SULT1C3: variants seen among roughly 807,000 people sequenced by gnomAD.
SULT1C3 encodes the protein sulfotransferase 1C3.
In SULT1C3, 31 loss-of-function variants were observed where a neutral mutation model predicts 28.4. The ratio of observed to expected loss-of-function variants is 1.09; its 90% confidence interval spans 0.82 to 1.47. SULT1C3 has a LOEUF of 1.47. Ranked by LOEUF, SULT1C3 falls within the 40% of genes most tolerant of loss-of-function variation. The probability of loss-of-function intolerance (pLI) is 0.00; values close to 1 mark genes in which losing one functional copy is unlikely to be tolerated. For missense variants in SULT1C3, 307 were observed against 272.5 expected (o/e 1.13, Z -0.89); for synonymous variants, 106 against 92.2 (o/e 1.15, Z -0.86).
At position 108,247,264 on chromosome 2, in the gene SULT1C3, G is replaced by C. The variant is rs1345064840; in HGVS notation, c.70G>C (p.Asp24His). 10 of 1,596,274 alleles carry C rather than the reference G, an allele frequency of 6.3e-6. No individual in the cohort carries two copies. In the East Asian group the frequency reaches 6.8e-5, roughly 11 times the overall value. ...KPELFNIMEVDGVPTLILSKE... is the reference protein window; with the variant it reads ...KPELFNIMEVHGVPTLILSKE... ...AGAACTGTTTAACATCATGGAAGTA[G>C]ATGGAGTCCCTACGTTGATATTATC... is the stretch of plus-strand genomic sequence containing the variant. Residue 24 changes from aspartate to histidine, a missense_variant, in exon 2 of 8, where the codon GAT (aspartate) becomes CAT (histidine). Physicochemically the swap from Asp to His is moderately conservative, Grantham distance 81. Coordinates refer to ENST00000681802, the MANE Select transcript of SULT1C3 (RefSeq NM_001320878.2).
chr2:108,248,615 C>T (rs754664269), intron 2 of SULT1C3, among the ~76,000 whole-genome samples: 5 of 152,012 alleles, frequency 3.3e-5, no homozygotes, highest in Non-Finnish European at 4.4e-5. Context: ...TGGTAGACTG[C>T]ACTTCCATAG....
In SULT1C3 at chr2:108,255,628, C is replaced by T; in HGVS notation, c.456C>T (p.His152=). The T allele has an allele frequency of 6.2e-7, 1 of 1,611,950 alleles. No individual in the cohort carries two copies. The highest frequency in any genetic ancestry group is 8.5e-7 in the Non-Finnish European group (1 of 1,178,552). The change falls in exon 5 of 8, where the codon CAC becomes CAT. Residue 152 remains histidine (H), a synonymous_variant. Transcript: ENST00000681802. ...GCCTGGTGTCCTACTACCACTTTCA[C>T]AGGATGGCTTCCTTTATGCCTGATC... is the stretch of plus-strand genomic sequence containing the variant. ...KDCLVSYYHF[H]RMASFMPDPQ...
In SULT1C3 at chr2:108,255,616, C is replaced by T; in HGVS notation, c.444C>T (p.Tyr148=). ...ARNPKDCLVS[Y]YHFHRMASFM... is the part of the protein sequence containing the mutation. ...ATCCCAAGGATTGCCTGGTGTCCTA[C>T]TACCACTTTCACAGGATGGCTTCCT... The change falls in exon 5 of 8, where the codon TAC becomes TAT. Residue 148 remains tyrosine (Y), a synonymous_variant. Coordinates refer to ENST00000681802, the MANE Select transcript of SULT1C3 (RefSeq NM_001320878.2). The T allele has an allele frequency of 6.2e-7, 1 of 1,612,018 alleles. No individual in the cohort carries two copies. The highest frequency in any genetic ancestry group is 8.5e-7 in the Non-Finnish European group (1 of 1,178,576).
intron 1 of SULT1C3, among the ~76,000 whole-genome samples, chr2:108,245,391 T>C (rs940347696): frequency 2.0e-5 from 3 of 152,200 alleles, no homozygotes; most frequent in Non-Finnish European, 2.9e-5. Context: ...TTGAACTCTA[T>C]ATCCTGCTAT....
At chr2:108,256,886 C>G (rs1274215088) in intron 5 of SULT1C3, among the ~76,000 whole-genome samples, 1 of 151,992 alleles carries the variant, frequency 6.6e-6, no homozygotes, top group East Asian at 1.9e-4. Context: ...AATAGCAAAT[C>G]TAGATAGGAC....
At chr2:108,265,155 C>T, downstream of SULT1C3, 1 of 1,454,648 alleles carries the variant, frequency 6.9e-7, no homozygotes, top group Non-Finnish European at 9.4e-7. Flanking sequence ...CCTGTTTCTC[C>T]TCATTCTTGG....
downstream of SULT1C3, chr2:108,265,274 G>C: frequency 6.2e-7 from 1 of 1,613,808 alleles, no homozygotes; most frequent in South Asian, 1.1e-5. Context: ...TTTTACTGTG[G>C]CCCAAAATGA....
chr2:108,247,415 T>C (rs1675615814), intron 2 of SULT1C3, 49 bp downstream of exon 2: 1 of 1,430,296 alleles, frequency 7.0e-7, no homozygotes, highest in African/African-American at 1.4e-5. Flanking sequence ...CGTGAAATTA[T>C]TGCATAATCT....
chr2:108,242,331 G>A (rs1052468427), intron 1 of SULT1C3, among the ~76,000 whole-genome samples: 11 of 152,158 alleles, frequency 7.2e-5, no homozygotes, highest in Non-Finnish European at 1.3e-4. Flanking sequence ...AGAAGATTCA[G>A]CACTTGTTAA....
chr2:108,246,514 C>A (rs151252874), intron 1 of SULT1C3, among the ~76,000 whole-genome samples: 1 of 152,068 alleles, frequency 6.6e-6, no homozygotes, highest in Non-Finnish European at 1.5e-5. Context: ...GGGACACAGG[C>A]GAACCATATC....
chr2:108,244,170 T>G (rs1675529097), intron 1 of SULT1C3, among the ~76,000 whole-genome samples: 1 of 152,182 alleles, frequency 6.6e-6, no homozygotes, highest in African/African-American at 2.4e-5. Context: ...TCACAGAGAA[T>G]ATAAACAATG....
Position 108,259,125 on chromosome 2 carries a change from A to G in SULT1C3, c.781A>G (p.Ile261Val), listed in dbSNP as rs891646985. ...AVPAHIFNHS[I>V]SKFMRKGMPG... ...ACCTGCTCACATATTCAATCACTCCATCTCAAAATTTATGAGGAAAGGTTG... is the reference window on the plus strand; with the variant it reads ...ACCTGCTCACATATTCAATCACTCCGTCTCAAAATTTATGAGGAAAGGTTG... Residue 261 changes from isoleucine to valine, a missense_variant, in exon 7 of 8, where the codon ATC becomes GTC. Ile to Val is a conservative substitution (Grantham distance 29, BLOSUM62 3). Coordinates refer to ENST00000681802, the MANE Select transcript of SULT1C3 (RefSeq NM_001320878.2). 2.3e-6 allele frequency: 1 copy of G among 434,838 alleles called. No individual in the cohort carries two copies. The highest frequency in any genetic ancestry group is 2.0e-5 in the African/African-American group (1 of 50,360). The allele number at this position is 434,838 out of a possible 1,614,324, so 26.9% of individuals were successfully genotyped here. A position where few individuals can be genotyped will look rare whatever the true frequency, so the allele number is the denominator to read the frequency against.
At chr2:108,257,540 G>C (rs1263094737) in intron 5 of SULT1C3, among the ~76,000 whole-genome samples, 1 of 151,858 alleles carries the variant, frequency 6.6e-6, no homozygotes, top group Non-Finnish European at 1.5e-5. Flanking sequence ...TGCAGTTTTA[G>C]TCACCCACAA....
intron 1 of SULT1C3, among the ~76,000 whole-genome samples, chr2:108,242,165 A>G (rs1573212148): frequency 6.6e-6 from 1 of 152,308 alleles, no homozygotes; most frequent in East Asian, 1.9e-4. Flanking sequence ...TTTTGACGAC[A>G]CTTGTATTCT....
At chr2:108,245,847 A>G (rs923347033) in intron 1 of SULT1C3, among the ~76,000 whole-genome samples, 1 of 152,092 alleles carries the variant, frequency 6.6e-6, no homozygotes, top group Non-Finnish European at 1.5e-5. Context: ...TTTCTTTTCT[A>G]TTGCATTGTC....
chr2:108,255,413 CA>C (rs1247066549), intron 4 of SULT1C3, among the ~76,000 whole-genome samples, 158 bp from the exon 5 acceptor site: 1 of 151,962 alleles, frequency 6.6e-6, no homozygotes, highest in Non-Finnish European at 1.5e-5. Flanking sequence ...GTTGCAGAGT[CA>C]AAAAGACTCC....
intron 4 of SULT1C3, among the ~76,000 whole-genome samples, chr2:108,254,701 G>GTGAGATATGTGTGTGTGTGTA (rs1675817499): frequency 6.6e-6 from 1 of 150,378 alleles, no homozygotes; most frequent in Non-Finnish European, 1.5e-5. Flanking sequence ...GTGTGTGTGT[G>GTGAGATATGTGTGTGTGTGTA]TATATATATA....
intron 1 of SULT1C3, among the ~76,000 whole-genome samples, 120 bp downstream of exon 1, chr2:108,240,203 C>T (rs370528216): frequency 1.3e-5 from 2 of 152,198 alleles, no homozygotes; most frequent in African/African-American, 4.8e-5. Flanking sequence ...AGCCTTTAGA[C>T]TTTGCAGCTC....
intron 7 of SULT1C3, 68 bp from the exon 8 acceptor site, chr2:108,260,500 C>A (rs191171637): frequency 2.5e-5 from 11 of 432,026 alleles, no homozygotes; most frequent in Middle Eastern, 3.8e-4. Flanking sequence ...GCCTAGGAAC[C>A]ATTCACTATA....
Sources: allele counts gnomAD v4.1 joint callset (sites outside exome capture counted in the v4.1 genomes callset), GRCh38; gene constraint gnomAD v4.1.1; transcripts MANE v1.5; gene names NCBI Gene and HGNC (gene_info 2026-07-23, HGNC 2026-07-21).